Variants in CPLANE1 observed in about 807,000 individuals in gnomAD.
The protein encoded by CPLANE1 is ciliogenesis and planar polarity effector complex subunit 1.
In CPLANE1, 263 loss-of-function variants were observed where a neutral mutation model predicts 362.5. The ratio of observed to expected loss-of-function variants is 0.73; its 90% CI spans 0.66 to 0.80. The LOEUF is 0.80. Ranked by LOEUF, CPLANE1 falls within the 30% of genes least tolerant of loss-of-function variation. The pLI is 0.00. For missense variants in CPLANE1, 3,461 were observed against 3,793.4 expected, an observed-to-expected ratio of 0.91 and a Z score of 2.30; for synonymous variants, 1,212 against 1,302.6, an observed-to-expected ratio of 0.93 and a Z score of 1.50.
At chr5:37,136,896 C>G (rs301873) in intron 46 of CPLANE1, among the ~76,000 whole-genome samples, 75,273 of 152,020 alleles carry the variant, frequency 0.5, 21,121 homozygotes, top group African/African-American at 0.78. Flanking sequence ...CCTGGGCCTG[C>G]CCCAGGAAAC....
intron 19 of CPLANE1, 31 bp downstream of exon 19, chr5:37,201,555 TTTAAA>T: frequency 6.6e-7 from 1 of 1,509,430 alleles, no homozygotes; most frequent in Non-Finnish European, 9.1e-7. Context: ...CAAAATCAAC[TTTAAA>T]TTAATTTAAA....
Position 37,211,109 on chromosome 5 carries a change from T to C in CPLANE1, c.2920+2450A>G. On this transcript the variant is annotated intron_variant, in intron 16 of 52. Coordinates refer to ENST00000651892, the MANE Select transcript of CPLANE1 (RefSeq NM_001384732.1). ...TAAATGGCAACATGGTGCTTCACAA[T>C]GGTGAGATAAGTGGGGATTTCTTGA... is the stretch of plus-strand genomic sequence containing the variant. The C allele has an allele frequency of 2.4e-5, 25 of 1,056,064 alleles. 1 individual carries two copies. In the South Asian group the frequency reaches 3.0e-4, roughly 13 times the overall value. 65.4% of individuals were successfully genotyped at this position (1,056,064 alleles called of 1,614,324 possible).
At position 37,194,154 on chromosome 5, in the gene CPLANE1, C is replaced by T. The variant is rs1204002731; in HGVS notation, c.3811+1704G>A. Among the ~76,000 whole-genome samples, 3 of 151,928 alleles carry T rather than the reference C, an allele frequency of 2.0e-5. No homozygotes were observed. In the East Asian group the frequency reaches 5.8e-4, roughly 29 times the overall value. On this transcript the variant is annotated intron_variant, in intron 21 of 52. Transcript: ENST00000651892. Reference sequence around the variant, plus strand: ...GGCCAGGCTGGTCTCGAACTCCTGACCTTGTGATCCGCCCAACTCATCCTC... The same window carrying T: ...GGCCAGGCTGGTCTCGAACTCCTGATCTTGTGATCCGCCCAACTCATCCTC...
chr5:37,089,124 T>C, the CPLANE1 span, among the ~76,000 whole-genome samples: 1 of 152,146 alleles, frequency 6.6e-6, no homozygotes, highest in Non-Finnish European at 1.5e-5. Flanking sequence ...AGAATTTTAC[T>C]GGCTTACTGG....
intron 44 of CPLANE1, chr5:37,141,146 C>A: frequency 1.0e-6 from 1 of 985,278 alleles, no homozygotes; most frequent in Non-Finnish European, 1.2e-6. Flanking sequence ...TCATTATTTC[C>A]CAGGTCAGAT....
chr5:37,218,408 T>C (rs1427049225), intron 15 of CPLANE1, among the ~76,000 whole-genome samples: 1 of 152,120 alleles, frequency 6.6e-6, no homozygotes, highest in Non-Finnish European at 1.5e-5. Flanking sequence ...GGACATCCTG[T>C]GTGACTCTAC....
intron 42 of CPLANE1, among the ~76,000 whole-genome samples, chr5:37,150,025 G>A (rs1773034061): frequency 2.0e-5 from 3 of 152,178 alleles, no homozygotes; most frequent in African/African-American, 7.2e-5. Context: ...AAAGGCTTGA[G>A]AGAGGAGCCC....
At chr5:37,231,078 G>C in intron 8 of CPLANE1, 29 bp from the exon 9 acceptor site, 2 of 1,446,706 alleles carry the variant, frequency 1.4e-6, no homozygotes, top group Non-Finnish European at 1.8e-6. Context: ...AACATGTTTA[G>C]AAGAGATACT....
chr5:37,187,060 C>CAAAAAAAAAAAAAAACAAA (rs1784239900), intron 23 of CPLANE1, among the ~76,000 whole-genome samples: 1 of 50,396 alleles, frequency 2.0e-5, no homozygotes, highest in African/African-American at 9.1e-5. Flanking sequence ...GACTCCGTCT[C>CAAAAAAAAAAAAAAACAAA]AAAAAAAAAA....
intron 51 of CPLANE1, among the ~76,000 whole-genome samples, chr5:37,112,445 G>A (rs1759625081): frequency 6.6e-6 from 1 of 152,164 alleles, no homozygotes. Context: ...GACTTTTCAA[G>A]GTAAAGTGTA....
chr5:37,085,798 C>T, the CPLANE1 span: 3 of 1,446,232 alleles, frequency 2.1e-6, no homozygotes, highest in Non-Finnish European at 1.9e-6. Context: ...GTATCTGCCT[C>T]ACTATTGCTG....
At position 37,169,199 on chromosome 5, in the gene CPLANE1, T is replaced by G. The variant is rs1396863613; in HGVS notation, c.6825A>C (p.Ala2275=). Residue 2275 remains alanine, a synonymous_variant, in exon 34 of 53, where the codon GCA becomes GCC. Coordinates refer to ENST00000651892, the MANE Select transcript of CPLANE1 (RefSeq NM_001384732.1). ...DSFQPALPQR[A]AQTTPASHLN... ...AATGGGATGCTGGAGTAGTTTGTGC[T>G]GCTCTCTGTGGCAGAGCAGGTTGGA... The G allele has an allele frequency of 9.3e-6, 15 of 1,614,094 alleles. No individual in the cohort carries two copies. Among genetic ancestry groups the G allele is most frequent in the Admixed American group, 3.3e-5 (2 of 60,004 alleles).
chr5:37,203,373 G>T (rs187132289), intron 18 of CPLANE1, among the ~76,000 whole-genome samples: 1 of 152,060 alleles, frequency 6.6e-6, no homozygotes, highest in Non-Finnish European at 1.5e-5. Flanking sequence ...TCAGCAATTT[G>T]TTCCTCTTCA....
intron 16 of CPLANE1, chr5:37,211,676 G>GC: frequency 1.3e-6 from 1 of 789,900 alleles, no homozygotes; most frequent in Non-Finnish European, 2.3e-6. Context: ...CTGACAGAAT[G>GC]CCCCCGCCAT....
intron 27 of CPLANE1, among the ~76,000 whole-genome samples, 190 bp from the exon 28 acceptor site, chr5:37,180,373 T>A (rs1474165140): frequency 1.3e-5 from 2 of 152,138 alleles, no homozygotes. Context: ...TTATAAAATC[T>A]TTCTTTAAAA....
At chr5:37,196,971 T>A (rs1045751612) in intron 20 of CPLANE1, among the ~76,000 whole-genome samples, 1 of 151,518 alleles carries the variant, frequency 6.6e-6, no homozygotes, top group African/African-American at 2.4e-5. Context: ...CTCCAATCTA[T>A]TTAAACCTCT....
At chr5:37,120,112 C>A in intron 50 of CPLANE1, 104 bp downstream of exon 50, 1 of 1,185,428 alleles carries the variant, frequency 8.4e-7, no homozygotes, top group Non-Finnish European at 1.2e-6. Flanking sequence ...AATCAGAACT[C>A]CTTTTTACTA....
At chr5:37,210,439 A>T in intron 16 of CPLANE1, 1 of 1,026,988 alleles carries the variant, frequency 9.7e-7, no homozygotes, top group Non-Finnish European at 1.5e-6. Flanking sequence ...GAACTAAAGG[A>T]CGACTACATC....
chr5:37,181,436 A>G (rs984157022), intron 26 of CPLANE1, among the ~76,000 whole-genome samples: 2 of 152,190 alleles, frequency 1.3e-5, no homozygotes, highest in Non-Finnish European at 2.9e-5. Context: ...TTCCATATAC[A>G]TTACCTAGAA....
Sources: gnomAD v4.1 joint callset for allele counts (sites outside exome capture counted in the v4.1 genomes callset) on GRCh38, gnomAD v4.1.1 for gene constraint, MANE v1.5 for transcripts, NCBI Gene and HGNC (gene_info 2026-07-23, HGNC 2026-07-21) for gene names.